SYNDIG1: variants seen among roughly 807,000 people sequenced by gnomAD.
The protein encoded by SYNDIG1 is synapse differentiation inducing 1, also known as synapse differentiation-inducing gene protein 1.
In SYNDIG1, 9 loss-of-function variants were observed where a neutral mutation model predicts 19.4. That is an observed-to-expected ratio of 0.46 (90% CI 0.28 to 0.81). SYNDIG1 has a LOEUF of 0.81. Ranked by LOEUF, SYNDIG1 falls within the 30% of genes least tolerant of loss-of-function variation. The probability of loss-of-function intolerance (pLI) is 0.12; values close to 1 mark genes in which losing one functional copy is unlikely to be tolerated. For synonymous variants in SYNDIG1, 141 were observed against 145.9 expected, an observed-to-expected ratio of 0.97 and a Z score of 0.24; for missense variants, 311 against 343.3, an observed-to-expected ratio of 0.91 and a Z score of 0.74.
chr20:24,513,540 A>G (rs2056795886), intron 1 of SYNDIG1, among the ~76,000 whole-genome samples: 1 of 152,250 alleles, frequency 6.6e-6, no homozygotes, highest in Admixed American at 6.5e-5. Context: ...TGAAGATCAA[A>G]TGAATGAAAT....
At chr20:24,539,469 G>A (rs569998321) in intron 1 of SYNDIG1, among the ~76,000 whole-genome samples, 22 of 152,248 alleles carry the variant, frequency 1.4e-4, no homozygotes, top group African/African-American at 4.1e-4. Context: ...GTGTATTTAT[G>A]CCATATCACA....
intron 1 of SYNDIG1, among the ~76,000 whole-genome samples, chr20:24,494,047 C>A (rs1024175535): frequency 7.9e-5 from 12 of 152,178 alleles, no homozygotes; most frequent in African/African-American, 2.9e-4. Flanking sequence ...ATCCCGGCCA[C>A]ACCCCTGCTC....
At chr20:24,600,923 CA>C (rs566161767) in intron 3 of SYNDIG1, among the ~76,000 whole-genome samples, 123 of 152,188 alleles carry the variant, frequency 8.1e-4, no homozygotes, top group Non-Finnish European at 7.1e-4. Flanking sequence ...CCCATGTCTT[CA>C]TCTTTCCTTA....
In SYNDIG1 at chr20:24,539,069, T is replaced by C. The variant is rs142395352; in HGVS notation, c.-78-3951T>C. 2.3e-3 allele frequency among the ~76,000 whole-genome samples: 356 copies of C among 152,348 alleles called. 1 individual carries two copies. Among genetic ancestry groups the C allele is most frequent in the African/African-American group, 8.3e-3 (345 of 41,590 alleles). ...GTGGCTTACTTTCTTACTCTGTTGA[T>C]ATTGTCTATTGATGCACAAAAATAT... is the stretch of plus-strand genomic sequence containing the variant. On this transcript the variant is annotated intron_variant, in intron 1 of 3. Coordinates refer to ENST00000376862, the MANE Select transcript of SYNDIG1 (RefSeq NM_024893.3).
intron 3 of SYNDIG1, among the ~76,000 whole-genome samples, chr20:24,637,710 A>T (rs1431333783): frequency 6.6e-6 from 1 of 152,238 alleles, no homozygotes; most frequent in Non-Finnish European, 1.5e-5. Context: ...GCCAGCAGGC[A>T]CCAGTCAAAG....
intron 1 of SYNDIG1, among the ~76,000 whole-genome samples, chr20:24,509,521 G>A (rs2056688105): frequency 6.6e-6 from 1 of 152,134 alleles, no homozygotes; most frequent in Non-Finnish European, 1.5e-5. Flanking sequence ...TTTTGCTGTT[G>A]TTTTCTATAG....
rs535408053 is a variant in SYNDIG1 at position 24,545,430 on chromosome 20, C to T, written c.480+1853C>T. On this transcript the variant is annotated intron_variant, in intron 2 of 3. Coordinates refer to ENST00000376862, the MANE Select transcript of SYNDIG1 (RefSeq NM_024893.3). The stretch of plus-strand genomic sequence containing the variant: ...TCTGAGGGCTTTGCTGACAGCAAAG[C>T]GTAAATGCTGCCCGACTCGCATGGA... Among the ~76,000 whole-genome samples the T allele has an allele frequency of 2.0e-4, 31 of 152,116 alleles. 1 individual carries two copies. The highest frequency in any genetic ancestry group is 1.8e-3 in the Admixed American group (28 of 15,286).
intron 1 of SYNDIG1, among the ~76,000 whole-genome samples, chr20:24,539,760 G>C (rs2057432714): frequency 8.9e-6 from 1 of 112,918 alleles, no homozygotes; most frequent in South Asian, 2.7e-4. Flanking sequence ...TTTTTCAGCA[G>C]TGTTTTGTTT....
chr20:24,590,983 G>A (rs2058500655), intron 3 of SYNDIG1, among the ~76,000 whole-genome samples: 1 of 152,166 alleles, frequency 6.6e-6, no homozygotes, highest in South Asian at 2.1e-4. Flanking sequence ...CAGCAGAGGG[G>A]CGCGGAGGGA....
chr20:24,513,271 T>A (rs1001017721), intron 1 of SYNDIG1, among the ~76,000 whole-genome samples: 1 of 152,230 alleles, frequency 6.6e-6, no homozygotes, highest in Admixed American at 6.5e-5. Context: ...AAAAGCTGGA[T>A]GGAGAATGAC....
At chr20:24,633,930 AC>A (rs2059286250) in intron 3 of SYNDIG1, among the ~76,000 whole-genome samples, 1 of 152,164 alleles carries the variant, frequency 6.6e-6, no homozygotes, top group Non-Finnish European at 1.5e-5. Flanking sequence ...CTCCCAGGTC[AC>A]CTGCATCCGC....
At chr20:24,634,626 T>A (rs998690634) in intron 3 of SYNDIG1, among the ~76,000 whole-genome samples, 1 of 152,242 alleles carries the variant, frequency 6.6e-6, no homozygotes, top group Non-Finnish European at 1.5e-5. Flanking sequence ...CTGAACATCT[T>A]TATGTGTGTT....
intron 2 of SYNDIG1, among the ~76,000 whole-genome samples, chr20:24,561,769 C>T (rs1370644428): frequency 2.0e-5 from 3 of 152,220 alleles, no homozygotes; most frequent in Non-Finnish European, 4.4e-5. Flanking sequence ...TATCTAAGCG[C>T]TGGGCGTGCA....
At chr20:24,590,248 G>C (rs1228876787) in intron 3 of SYNDIG1, among the ~76,000 whole-genome samples, 3 of 152,094 alleles carry the variant, frequency 2.0e-5, no homozygotes, top group East Asian at 3.9e-4. Context: ...CGAGGCCCTG[G>C]GGGGAGCACG....
chr20:24,580,804 C>T (rs2058309768), intron 2 of SYNDIG1, among the ~76,000 whole-genome samples: 2 of 152,126 alleles, frequency 1.3e-5, no homozygotes, highest in Non-Finnish European at 2.9e-5. Context: ...TTCCTTTATG[C>T]TTCTAAATTA....
At chr20:24,654,252 G>GA (rs376549195) in intron 3 of SYNDIG1, among the ~76,000 whole-genome samples, 2,270 of 145,528 alleles carry the variant, frequency 0.016, 28 homozygotes, top group African/African-American at 0.036. Context: ...CTCTACCATG[G>GA]AAAAAAAAAA....
At chr20:24,547,045 G>T (rs1340678097) in intron 2 of SYNDIG1, among the ~76,000 whole-genome samples, 1 of 152,062 alleles carries the variant, frequency 6.6e-6, no homozygotes, top group African/African-American at 2.4e-5. Flanking sequence ...GTTCAGAGGG[G>T]GCCACCTCAT....
rs994556110 is a variant in SYNDIG1, at chr20:24,559,788, A to T, written c.480+16211A>T. ...AAGTTTTTTTCACTTGTAACATGTC[A>T]CTCTGTTGCCTTCCAGCCTCCATTG... On this transcript the variant is annotated intron_variant, in intron 2 of 3. Coordinates refer to ENST00000376862, the MANE Select transcript of SYNDIG1 (RefSeq NM_024893.3). Among the ~76,000 whole-genome samples the T allele has an allele frequency of 2.6e-5, 4 of 151,622 alleles. No homozygotes were observed. The East Asian group carries it at 7.8e-4, about 29-fold the overall frequency.
chr20:24,539,120 T>C (rs2057418161), intron 1 of SYNDIG1, among the ~76,000 whole-genome samples: 1 of 152,218 alleles, frequency 6.6e-6, no homozygotes, highest in Non-Finnish European at 1.5e-5. Context: ...GTCCAACTTG[T>C]TTTTTCTTTT....
Sources: gnomAD v4.1 joint callset for allele counts (sites outside exome capture counted in the v4.1 genomes callset) on GRCh38, gnomAD v4.1.1 for gene constraint, MANE v1.5 for transcripts, NCBI Gene and HGNC (gene_info 2026-07-23, HGNC 2026-07-21) for gene names.